The following SNTG1 variants were observed in gnomAD, a reference collection of about 807,000 sequenced individuals.
The protein encoded by SNTG1 is gamma-1-syntrophin.
In SNTG1, 39 loss-of-function variants were observed where a neutral mutation model predicts 74.7. That is an observed-to-expected ratio of 0.52 (90% confidence interval 0.40 to 0.68). SNTG1 has a LOEUF of 0.68. Among genes scored for constraint, SNTG1 ranks in the 30% least tolerant of loss-of-function variants. The probability of loss-of-function intolerance (pLI) is 0.00; values close to 1 mark genes in which losing one functional copy is unlikely to be tolerated. For synonymous variants in SNTG1, 254 were observed against 217.1 expected, an observed-to-expected ratio of 1.17 and a Z score of -1.49; for missense variants, 685 against 609.5, an observed-to-expected ratio of 1.12 and a Z score of -1.30.
rs571798755 is a variant in SNTG1, at chr8:49,947,189, T to C, written c.-103+34958T>C. On this transcript the variant is annotated intron_variant, in intron 1 of 18. Transcript: ENST00000642720. ...GGCGGCACATGCTTGTAATCCCAGC[T>C]ACTTGGGAGGCTAAGGCAGGAGAAT... 9.1e-4 allele frequency among the ~76,000 whole-genome samples: 138 copies of C among 152,164 alleles called. 1 individual carries two copies. Among genetic ancestry groups the C allele is most frequent in the African/African-American group, 3.2e-3 (134 of 41,520 alleles).
At chr8:50,244,417 A>G (rs1409964828) in intron 2 of SNTG1, among the ~76,000 whole-genome samples, 1 of 152,176 alleles carries the variant, frequency 6.6e-6, no homozygotes, top group Admixed American at 6.5e-5. Flanking sequence ...AGGGAGGCCT[A>G]CAAAATCCAA....
Position 50,246,566 on chromosome 8 carries a change from G to T in SNTG1, c.-28+73931G>T, listed in dbSNP as rs184351775. On this transcript the variant is annotated intron_variant, in intron 2 of 18. Transcript: ENST00000642720. The stretch of plus-strand genomic sequence containing the variant: ...AGTCAGAAGGAGCCAAATCAGGGTC[G>T]TAAGGTGGATGCCTAATGATTTCCC... Among the ~76,000 whole-genome samples, 146 of 151,472 alleles carry T rather than the reference G, an allele frequency of 9.6e-4. 5 individuals carry two copies. The South Asian group carries it at 0.028, about 29-fold the overall frequency.
At chr8:50,625,388 G>A (rs1252455535) in intron 13 of SNTG1, among the ~76,000 whole-genome samples, 1 of 152,202 alleles carries the variant, frequency 6.6e-6, no homozygotes, top group Non-Finnish European at 1.5e-5. Context: ...GATGCTGTCA[G>A]CAGTTCTGAT....
chr8:50,672,002 C>T (rs1482370946), intron 15 of SNTG1, among the ~76,000 whole-genome samples: 1 of 128,424 alleles, frequency 7.8e-6, no homozygotes. Flanking sequence ...AATGAGAACA[C>T]ATGGACACAG....
chr8:50,109,643 G>A (rs970278598), intron 1 of SNTG1, among the ~76,000 whole-genome samples: 2 of 152,152 alleles, frequency 1.3e-5, no homozygotes, highest in Admixed American at 6.6e-5. Flanking sequence ...TCATTCAACA[G>A]GAAGTCCAGG....
At chr8:50,028,719 A>G (rs1179804015) in intron 1 of SNTG1, among the ~76,000 whole-genome samples, 1 of 152,090 alleles carries the variant, frequency 6.6e-6, no homozygotes, top group Non-Finnish European at 1.5e-5. Context: ...GTGCACATGT[A>G]CCCTAAAACT....
At chr8:50,049,500 A>G (rs931055873) in intron 1 of SNTG1, among the ~76,000 whole-genome samples, 1 of 152,108 alleles carries the variant, frequency 6.6e-6, no homozygotes, top group Non-Finnish European at 1.5e-5. Flanking sequence ...TGTGAGAGGA[A>G]AAGCTGACAG....
At chr8:50,275,214 A>G (rs969355113) in intron 2 of SNTG1, among the ~76,000 whole-genome samples, 9 of 152,000 alleles carry the variant, frequency 5.9e-5, no homozygotes, top group African/African-American at 2.2e-4. Flanking sequence ...TTATTGATTT[A>G]TTTTCTTAAA....
chr8:50,766,354 G>T (rs543836365), intron 18 of SNTG1, among the ~76,000 whole-genome samples: 2 of 151,954 alleles, frequency 1.3e-5, no homozygotes, highest in Non-Finnish European at 2.9e-5. Context: ...TTTCAAAATT[G>T]TATGTGGCTT....
At chr8:50,376,748 TATATATATAGAG>T (rs1407265284) in intron 2 of SNTG1, among the ~76,000 whole-genome samples, 99 of 108,674 alleles carry the variant, frequency 9.1e-4, no homozygotes, top group African/African-American at 2.5e-3. Context: ...TATATATATA[TATATATATAGAG>T]AGAGAGAGAG....
At chr8:50,113,342 A>C (rs942307307) in intron 1 of SNTG1, among the ~76,000 whole-genome samples, 15 of 151,932 alleles carry the variant, frequency 9.9e-5, no homozygotes, top group African/African-American at 3.4e-4. Flanking sequence ...ATTCCTAGGT[A>C]TTTTATTCTC....
At chr8:50,036,627 G>A (rs1365549171) in intron 1 of SNTG1, among the ~76,000 whole-genome samples, 1 of 152,182 alleles carries the variant, frequency 6.6e-6, no homozygotes, top group Non-Finnish European at 1.5e-5. Flanking sequence ...CTCTTAGAAC[G>A]GTGTCTAGTC....
Position 50,578,582 on chromosome 8 carries a change from G to C in SNTG1, c.811-12297G>C, listed in dbSNP as rs148514112. ...ATTATAGTTCCTATAATGCCCACAT[G>C]TTGTGGGAGGGACCTGATTGTGGAG... On this transcript the variant is annotated intron_variant, in intron 12 of 18. Coordinates refer to ENST00000642720, the MANE Select transcript of SNTG1 (RefSeq NM_018967.5). Among the ~76,000 whole-genome samples, 1,213 of 152,258 alleles carry C rather than the reference G, an allele frequency of 8.0e-3. 15 individuals are homozygous for C. The highest frequency in any genetic ancestry group is 0.027 in the African/African-American group (1,107 of 41,538).
chr8:50,746,759 T>A (rs1294210104), intron 17 of SNTG1, among the ~76,000 whole-genome samples: 3 of 150,344 alleles, frequency 2.0e-5, no homozygotes, highest in Admixed American at 6.7e-5. Context: ...GGATATGAAC[T>A]TTCTGATTGT....
chr8:50,339,274 C>A (rs1477227175), intron 2 of SNTG1, among the ~76,000 whole-genome samples: 3 of 152,000 alleles, frequency 2.0e-5, no homozygotes, highest in Admixed American at 2.0e-4. Context: ...ATTTTCAGTT[C>A]ATCCTCCTTG....
intron 4 of SNTG1, among the ~76,000 whole-genome samples, chr8:50,429,277 G>A (rs756154198): frequency 2.6e-5 from 4 of 152,026 alleles, no homozygotes; most frequent in Non-Finnish European, 5.9e-5. Context: ...AGGTGGTACT[G>A]GCATAACGAT....
intron 8 of SNTG1, among the ~76,000 whole-genome samples, chr8:50,454,142 C>T (rs2093481061): frequency 6.6e-6 from 1 of 152,134 alleles, no homozygotes; most frequent in African/African-American, 2.4e-5. Flanking sequence ...AGCTGATGGC[C>T]ATCTCTATAT....
At chr8:50,702,551 G>C (rs1445799944) in intron 15 of SNTG1, among the ~76,000 whole-genome samples, 2 of 152,166 alleles carry the variant, frequency 1.3e-5, no homozygotes, top group African/African-American at 2.4e-5. Flanking sequence ...AACATTTTGG[G>C]TGTTTAATAA....
chr8:50,519,723 A>G (rs2094163678), intron 9 of SNTG1, among the ~76,000 whole-genome samples: 1 of 152,198 alleles, frequency 6.6e-6, no homozygotes, highest in Admixed American at 6.5e-5. Context: ...AAAGAATAAA[A>G]TATCTAGGAA....
Sources: gnomAD v4.1 joint callset for allele counts (sites outside exome capture counted in the v4.1 genomes callset) on GRCh38, gnomAD v4.1.1 for gene constraint, MANE v1.5 for transcripts, NCBI Gene and HGNC (gene_info 2026-07-23, HGNC 2026-07-21) for gene names.